ARSB: variants seen among roughly 807,000 people sequenced by gnomAD.
The protein encoded by ARSB is arylsulfatase B.
ARSB carries 41 observed loss-of-function variants against 50.9 expected under a neutral mutation model. The ratio of observed to expected loss-of-function variants is 0.81; its 90% CI spans 0.63 to 1.04. ARSB has a LOEUF of 1.04. Among genes scored for constraint, ARSB ranks in the 50% least tolerant of loss-of-function variants. The probability of loss-of-function intolerance (pLI) is 0.00; values close to 1 mark genes in which losing one functional copy is unlikely to be tolerated. For missense variants in ARSB, 672 were observed against 693.3 expected, an observed-to-expected ratio of 0.97 and a Z score of 0.35; for synonymous variants, 269 against 284.8, an observed-to-expected ratio of 0.94 and a Z score of 0.56.
intron 4 of ARSB, among the ~76,000 whole-genome samples, chr5:78,923,314 T>G (rs1189634201): frequency 6.6e-6 from 1 of 152,214 alleles, no homozygotes; most frequent in Non-Finnish European, 1.5e-5. Flanking sequence ...GGGCACTGAC[T>G]CCCAGCACAC....
chr5:78,979,078 C>G (rs1752789416), intron 1 of ARSB, among the ~76,000 whole-genome samples: 1 of 152,030 alleles, frequency 6.6e-6, no homozygotes, highest in Non-Finnish European at 1.5e-5. Context: ...AATAATCTAT[C>G]TAGTAAGGGT....
intron 6 of ARSB, among the ~76,000 whole-genome samples, chr5:78,784,194 TA>T (rs1479897302): frequency 6.6e-5 from 10 of 152,208 alleles, no homozygotes; most frequent in Admixed American, 5.9e-4. Flanking sequence ...TTTTATGCTT[TA>T]AAAATGTATG....
At chr5:78,846,238 T>C (rs2112017396) in intron 5 of ARSB, among the ~76,000 whole-genome samples, 1 of 152,330 alleles carries the variant, frequency 6.6e-6, no homozygotes, top group Non-Finnish European at 1.5e-5. Flanking sequence ...TCCATTGGTA[T>C]ATGAATCTGT....
chr5:78,934,646 C>T (rs903346213), intron 4 of ARSB, among the ~76,000 whole-genome samples: 2 of 151,898 alleles, frequency 1.3e-5, no homozygotes, highest in Non-Finnish European at 2.9e-5. Flanking sequence ...AAAAATTTGG[C>T]AGGCGTGATG....
chr5:78,781,825 G>A, intron 7 of ARSB, 27 bp downstream of exon 7: 1 of 1,613,898 alleles, frequency 6.2e-7, no homozygotes, highest in South Asian at 1.1e-5. Flanking sequence ...CCACGGGAAG[G>A]GAAGTTTGCT....
chr5:78,780,919 C>T (rs542290677), intron 7 of ARSB, among the ~76,000 whole-genome samples: 4 of 152,278 alleles, frequency 2.6e-5, no homozygotes, highest in Admixed American at 6.5e-5. Context: ...AGGACTAGGG[C>T]ATAGGGGTGC....
intron 6 of ARSB, among the ~76,000 whole-genome samples, chr5:78,836,290 C>T (rs964697543): frequency 1.3e-5 from 2 of 152,182 alleles, no homozygotes; most frequent in South Asian, 2.1e-4. Flanking sequence ...CAGGCACAGA[C>T]AGCAGAGAAC....
intron 6 of ARSB, among the ~76,000 whole-genome samples, chr5:78,826,608 T>C (rs1257407363): frequency 1.3e-5 from 2 of 152,228 alleles, no homozygotes; most frequent in African/African-American, 4.8e-5. Context: ...TAGTTTCTTT[T>C]CTTTATTGCT....
intron 6 of ARSB, among the ~76,000 whole-genome samples, chr5:78,834,789 G>T (rs34450984): frequency 3.3e-5 from 5 of 150,746 alleles, no homozygotes; most frequent in African/African-American, 1.2e-4. Flanking sequence ...AATTCTTTTA[G>T]GTATATACTC....
chr5:78,974,307 T>C (rs1005217561), intron 1 of ARSB, among the ~76,000 whole-genome samples: 4 of 152,238 alleles, frequency 2.6e-5, no homozygotes, highest in Admixed American at 6.5e-5. Context: ...CCCGTGTCAC[T>C]GACAGTTTTA....
At chr5:78,811,126 C>T (rs1743791967) in intron 6 of ARSB, among the ~76,000 whole-genome samples, 1 of 152,200 alleles carries the variant, frequency 6.6e-6, no homozygotes, top group African/African-American at 2.4e-5. Flanking sequence ...CGCTGCCATC[C>T]TATCATCATG....
chr5:78,932,135 C>T (rs960519409), intron 4 of ARSB, among the ~76,000 whole-genome samples: 1 of 152,200 alleles, frequency 6.6e-6, no homozygotes, highest in East Asian at 1.9e-4. Flanking sequence ...ATCAAAAAGG[C>T]ATACTTCAGC....
rs559010895 is a variant in ARSB, at chr5:78,845,582, G to A, written c.1143-6156C>T. Among the ~76,000 whole-genome samples the A allele has an allele frequency of 2.0e-5, 3 of 152,170 alleles. No individual in the cohort carries two copies. The South Asian group carries it at 6.2e-4, about 32-fold the overall frequency. On this transcript the variant is annotated intron_variant, in intron 5 of 7. Coordinates refer to ENST00000264914, the MANE Select transcript of ARSB (RefSeq NM_000046.5). ...TGATAATGGCCATTCTAACCGGGTT[G>A]AGATCATATCTCATCGTGGTTTTAA... is the stretch of plus-strand genomic sequence containing the variant.
chr5:78,897,054 C>CAA (rs143918609), intron 4 of ARSB, among the ~76,000 whole-genome samples: 6 of 147,276 alleles, frequency 4.1e-5, no homozygotes, highest in African/African-American at 1.5e-4. Context: ...AGTAGAAATA[C>CAA]AAAAAAAAAG....
intron 5 of ARSB, among the ~76,000 whole-genome samples, chr5:78,867,557 C>G (rs1322997668): frequency 2.0e-5 from 3 of 151,978 alleles, no homozygotes; most frequent in African/African-American, 4.8e-5. Flanking sequence ...AGCAGGGGCA[C>G]ACTGACACCT....
chr5:78,967,539 G>A (rs1752257545), intron 2 of ARSB, among the ~76,000 whole-genome samples: 1 of 151,994 alleles, frequency 6.6e-6, no homozygotes, highest in South Asian at 2.1e-4. Context: ...TGAGCGTGGT[G>A]GCACACACCT....
intron 1 of ARSB, among the ~76,000 whole-genome samples, chr5:78,972,717 G>A (rs573691666): frequency 4.6e-5 from 7 of 152,236 alleles, no homozygotes; most frequent in East Asian, 3.9e-4. Context: ...AATGCTCTGC[G>A]AAAATTCCCT....
At chr5:78,803,230 C>T (rs1485476057) in intron 6 of ARSB, among the ~76,000 whole-genome samples, 1 of 152,182 alleles carries the variant, frequency 6.6e-6, no homozygotes, top group Non-Finnish European at 1.5e-5. Context: ...CATGTTGAAG[C>T]TGGAACTCCA....
At chr5:78,926,435 C>T (rs775527569) in intron 4 of ARSB, among the ~76,000 whole-genome samples, 1 of 152,100 alleles carries the variant, frequency 6.6e-6, no homozygotes, top group Admixed American at 6.6e-5. Flanking sequence ...ATGAAACTTG[C>T]TTCCCCCACT....
Sources: allele counts gnomAD v4.1 joint callset (sites outside exome capture counted in the v4.1 genomes callset), GRCh38; gene constraint gnomAD v4.1.1; transcripts MANE v1.5; gene names NCBI Gene and HGNC (gene_info 2026-07-23, HGNC 2026-07-21).